Variants in PDZRN4 observed in about 807,000 individuals in gnomAD.
PDZRN4 encodes the protein PDZ domain containing ring finger 4, also known as PDZ domain-containing RING finger protein 4.
Under a neutral mutation model 99.0 loss-of-function variants are expected in PDZRN4, and 70 were observed. The observed-to-expected ratio is 0.71, with a 90% CI of 0.58 to 0.86. PDZRN4 has a LOEUF of 0.86. Among genes scored for constraint, PDZRN4 ranks in the 40% least tolerant of loss-of-function variants. The pLI is 0.00. For missense variants in PDZRN4, 1,474 were observed against 1,331.2 expected (o/e 1.11, Z -1.67); for synonymous variants, 551 against 501.6 (o/e 1.10, Z -1.32).
intron 3 of PDZRN4, among the ~76,000 whole-genome samples, chr12:41,292,909 T>A (rs577345992): frequency 6.6e-6 from 1 of 151,912 alleles, no homozygotes; most frequent in East Asian, 2.0e-4. Flanking sequence ...AAAAGACCAA[T>A]GTGAATGTTT....
chr12:41,502,292 G>C (rs1487480846), intron 3 of PDZRN4, among the ~76,000 whole-genome samples: 3 of 152,020 alleles, frequency 2.0e-5, no homozygotes, highest in East Asian at 3.9e-4. Flanking sequence ...CTATCGAAAC[G>C]CCAGAAGTTA....
rs77032900 is a variant in PDZRN4 at position 41,378,251 on chromosome 12, C to A, written c.844-128205C>A. ...GAAATTATCATTACAGATTTTCATT[C>A]TTCTTCCTGTTAATACGATGGGTTG... is the stretch of plus-strand genomic sequence containing the variant. On this transcript the variant is annotated intron_variant, in intron 3 of 9. Transcript: ENST00000402685. 1.2e-4 allele frequency among the ~76,000 whole-genome samples: 18 copies of A among 152,260 alleles called. No individual in the cohort carries two copies. The East Asian group carries it at 3.1e-3, about 26-fold the overall frequency.
intron 3 of PDZRN4, among the ~76,000 whole-genome samples, chr12:41,257,986 A>G (rs961285854): frequency 6.6e-6 from 1 of 152,124 alleles, no homozygotes; most frequent in Non-Finnish European, 1.5e-5. Flanking sequence ...AGTAAGTAAT[A>G]TTATTATCCT....
chr12:41,458,306 C>T (rs1395083090), intron 3 of PDZRN4, among the ~76,000 whole-genome samples: 2 of 152,148 alleles, frequency 1.3e-5, no homozygotes, highest in Non-Finnish European at 2.9e-5. Flanking sequence ...TACAGACATG[C>T]ACCACCATGC....
chr12:41,290,627 T>C (rs1207727868), intron 3 of PDZRN4, among the ~76,000 whole-genome samples: 1 of 152,120 alleles, frequency 6.6e-6, no homozygotes, highest in African/African-American at 2.4e-5. Flanking sequence ...AAATCTAGTA[T>C]TGATATTTCT....
intron 3 of PDZRN4, among the ~76,000 whole-genome samples, chr12:41,426,859 G>C (rs1952541413): frequency 5.3e-5 from 8 of 152,162 alleles, no homozygotes; most frequent in Admixed American, 5.2e-4. Flanking sequence ...TGAGTTTTCT[G>C]TGGGATGCGT....
intron 3 of PDZRN4, among the ~76,000 whole-genome samples, chr12:41,342,450 G>A (rs926267971): frequency 4.0e-5 from 6 of 151,788 alleles, no homozygotes; most frequent in South Asian, 2.1e-4. Context: ...CAAACTATAC[G>A]TCTGACAAGG....
rs1952766448 is a variant in PDZRN4, at chr12:41,450,625, TC to T, written c.844-55830del. Among the ~76,000 whole-genome samples the T allele has an allele frequency of 2.0e-5, 3 of 152,220 alleles. No individual in the cohort carries two copies. The South Asian group carries it at 6.2e-4, about 32-fold the overall frequency. Reference sequence around the variant, plus strand: ...ACCTGAGGATAAATTTACTCAAACTTCAAGAATTCATTGAGACCAAGTGCCG... The same window carrying T: ...ACCTGAGGATAAATTTACTCAAACTTAAGAATTCATTGAGACCAAGTGCCG... On this transcript the variant is annotated intron_variant, in intron 3 of 9. Coordinates refer to ENST00000402685, the MANE Select transcript of PDZRN4 (RefSeq NM_001164595.2).
At chr12:41,402,672 T>C (rs1179240162) in intron 3 of PDZRN4, among the ~76,000 whole-genome samples, 3 of 129,466 alleles carry the variant, frequency 2.3e-5, no homozygotes, top group Non-Finnish European at 4.9e-5. Flanking sequence ...CATATATATA[T>C]ATATATATAC....
rs1951692261 is a variant in PDZRN4, at chr12:41,323,392, T to C, written c.843+129204T>C. 2.6e-5 allele frequency among the ~76,000 whole-genome samples: 4 copies of C among 152,162 alleles called. No individual in the cohort carries two copies. In the South Asian group the frequency reaches 8.3e-4, roughly 31 times the overall value. On this transcript the variant is annotated intron_variant, in intron 3 of 9. Transcript: ENST00000402685. ...TCTTACATTTACATAAGATCTTTAG[T>C]TGAATTTGATAGATATCTAAAAAAA...
intron 3 of PDZRN4, among the ~76,000 whole-genome samples, chr12:41,271,313 C>T (rs1951312894): frequency 6.6e-6 from 1 of 152,052 alleles, no homozygotes; most frequent in Admixed American, 6.6e-5. Context: ...GCTACTTTCC[C>T]TTAGGTACAA....
chr12:41,275,706 T>A (rs960462118), intron 3 of PDZRN4, among the ~76,000 whole-genome samples: 1 of 152,112 alleles, frequency 6.6e-6, no homozygotes, highest in Non-Finnish European at 1.5e-5. Context: ...TATAAGGCTA[T>A]AGATATATAG....
intron 5 of PDZRN4, among the ~76,000 whole-genome samples, chr12:41,520,938 C>T (rs761387635): frequency 1.3e-5 from 2 of 152,058 alleles, no homozygotes; most frequent in African/African-American, 4.8e-5. Flanking sequence ...TTCTAGACAT[C>T]GTTGAATTTT....
intron 3 of PDZRN4, among the ~76,000 whole-genome samples, chr12:41,414,049 A>T (rs1169787676): frequency 6.6e-6 from 1 of 152,074 alleles, no homozygotes; most frequent in Non-Finnish European, 1.5e-5. Context: ...CTGAAAAAAA[A>T]TTTATTTCTC....
chr12:41,234,801 G>T (rs1466068660), intron 3 of PDZRN4, among the ~76,000 whole-genome samples: 5 of 152,086 alleles, frequency 3.3e-5, no homozygotes, highest in Non-Finnish European at 5.9e-5. Context: ...ATTGGAGATG[G>T]TTACTTAACC....
chr12:41,479,434 T>G (rs1270247844), intron 3 of PDZRN4, among the ~76,000 whole-genome samples: 1 of 152,218 alleles, frequency 6.6e-6, no homozygotes, highest in Non-Finnish European at 1.5e-5. Flanking sequence ...AATGATTGAA[T>G]AACTCCTCAT....
At chr12:41,256,602 A>C (rs1377043128) in intron 3 of PDZRN4, among the ~76,000 whole-genome samples, 1 of 152,184 alleles carries the variant, frequency 6.6e-6, no homozygotes, top group Non-Finnish European at 1.5e-5. Context: ...GTGAGGAATA[A>C]ATTTATGTTG....
rs146790590 is a variant in PDZRN4 at position 41,241,471 on chromosome 12, C to A, written c.843+47283C>A. ...GCGAAAGAGCGTGGGCTTTTGTTAC[C>A]AGATTGGCTTGGCCTGACCCTTTGT... is the stretch of plus-strand genomic sequence containing the variant. On this transcript the variant is annotated intron_variant, in intron 3 of 9. Coordinates refer to ENST00000402685, the MANE Select transcript of PDZRN4 (RefSeq NM_001164595.2). 1.2e-3 allele frequency among the ~76,000 whole-genome samples: 175 copies of A among 143,848 alleles called. 1 individual carries two copies. Among genetic ancestry groups the A allele is most frequent in the Non-Finnish European group, 2.2e-3 (149 of 67,988 alleles). The allele number at this position is 143,848 out of a possible 152,430, so 94.4% of individuals were successfully genotyped here.
chr12:41,486,027 A>T (rs1190437269), intron 3 of PDZRN4, among the ~76,000 whole-genome samples: 1 of 152,200 alleles, frequency 6.6e-6, no homozygotes, highest in Non-Finnish European at 1.5e-5. Flanking sequence ...CACAATCAAT[A>T]GTTTCCAGTT....
Sources: gnomAD v4.1 joint callset for allele counts (sites outside exome capture counted in the v4.1 genomes callset) on GRCh38, gnomAD v4.1.1 for gene constraint, MANE v1.5 for transcripts, NCBI Gene and HGNC (gene_info 2026-07-23, HGNC 2026-07-21) for gene names.